USP47: variants seen among roughly 807,000 people sequenced by gnomAD.
The protein encoded by USP47 is ubiquitin carboxyl-terminal hydrolase 47.
A neutral mutation model predicts 165.1 loss-of-function variants in USP47; 35 were observed. The ratio of observed to expected loss-of-function variants is 0.21; its 90% CI spans 0.16 to 0.28. USP47 has a LOEUF of 0.28. USP47 is among the 10% of genes least tolerant of loss of function. The pLI is 1.00. For missense variants in USP47, 1,277 were observed against 1,607.4 expected (o/e 0.79, Z 3.52); for synonymous variants, 531 against 544.5 (o/e 0.98, Z 0.35).
intron 3 of USP47, among the ~76,000 whole-genome samples, chr11:11,888,010 A>G: frequency 6.6e-6 from 1 of 152,200 alleles, no homozygotes; most frequent in East Asian, 1.9e-4. Flanking sequence ...GTTCTTTGAA[A>G]CTGATAAGAA....
intron 1 of USP47, among the ~76,000 whole-genome samples, chr11:11,879,713 A>AT (rs1850706367): frequency 6.6e-6 from 1 of 151,958 alleles, no homozygotes; most frequent in African/African-American, 2.4e-5. Flanking sequence ...TTAGTTATAG[A>AT]TTTTTTAATC....
chr11:11,918,052 T>C (rs1853558313), intron 8 of USP47, among the ~76,000 whole-genome samples: 1 of 152,108 alleles, frequency 6.6e-6, no homozygotes, highest in Non-Finnish European at 1.5e-5. Context: ...AATAACTATA[T>C]GGTAGAGAGA....
chr11:11,874,247 A>G (rs1564858969), intron 1 of USP47, among the ~76,000 whole-genome samples: 1 of 152,206 alleles, frequency 6.6e-6, no homozygotes, highest in Non-Finnish European at 1.5e-5. Context: ...TGTGTGCACT[A>G]CAGACTTAAA....
At chr11:11,920,092 A>T in intron 8 of USP47, 64 bp from the exon 9 acceptor site, 1 of 1,232,894 alleles carries the variant, frequency 8.1e-7, no homozygotes, top group Non-Finnish European at 1.1e-6. Flanking sequence ...AGTCTTTTTT[A>T]TTCAGGATTT....
chr11:11,871,657 A>G lies in USP47; in HGVS notation c.40-8520A>G, dbSNP rs758886572. On this transcript the variant is annotated intron_variant, in intron 1 of 27. Coordinates refer to ENST00000527733, the MANE Select transcript of USP47 (RefSeq NM_001282659.2). ...TGATGAGAAATCAGCCAAACACTCT[A>G]GGGGGATGCACTGTAGGTCCCTTGG... Among the ~76,000 whole-genome samples the G allele has an allele frequency of 6.6e-5, 10 of 151,778 alleles. 1 individual carries two copies. The highest frequency in any genetic ancestry group is 1.2e-4 in the African/African-American group (5 of 41,302).
chr11:11,930,354 G>A (rs1410411728), intron 13 of USP47, among the ~76,000 whole-genome samples: 4 of 152,118 alleles, frequency 2.6e-5, no homozygotes, highest in African/African-American at 9.7e-5. Flanking sequence ...TTGCAGCACA[G>A]ACCATATGGC....
chr11:11,959,778 C>T lies in USP47; in HGVS notation c.*3603C>T, dbSNP rs763664379. On this transcript the variant is annotated 3_prime_UTR_variant, in exon 28 of 28. Transcript: ENST00000527733. ...ACAGCACTGCCCCTTTCCACCTCCT[C>T]ACCAGCTCACCTGTACAAGAGAATT... 6.6e-6 allele frequency among the ~76,000 whole-genome samples: 1 copy of T among 152,160 alleles called. No individual in the cohort carries two copies. The highest frequency in any genetic ancestry group is 1.5e-5 in the Non-Finnish European group (1 of 68,026).
In USP47 at chr11:11,922,715, C is replaced by T. The variant is rs1403704757; in HGVS notation, c.1219-9C>T. The stretch of plus-strand genomic sequence containing the variant: ...TGGTTTATAACTAAGATAATTATGT[C>T]TTATTAAGAAATCTCCTCAGACTGA... On this transcript the variant is annotated splice_polypyrimidine_tract_variant and intron_variant, in intron 10 of 27. Coordinates refer to ENST00000527733, the MANE Select transcript of USP47 (RefSeq NM_001282659.2). 6.2e-7 allele frequency: 1 copy of T among 1,604,378 alleles called. No individual in the cohort carries two copies. Among genetic ancestry groups the T allele is most frequent in the Non-Finnish European group, 8.5e-7 (1 of 1,174,440 alleles).
At chr11:11,879,807 A>G (rs1180255046) in intron 1 of USP47, among the ~76,000 whole-genome samples, 3 of 152,080 alleles carry the variant, frequency 2.0e-5, no homozygotes, top group Admixed American at 6.6e-5. Context: ...TGTGGCTAGC[A>G]TGGTAATGAC....
At chr11:11,955,919 G>A in intron 27 of USP47, 82 bp from the exon 28 acceptor site, 1 of 1,092,202 alleles carries the variant, frequency 9.2e-7, no homozygotes, top group Admixed American at 2.7e-5. Flanking sequence ...ATCTTGCTGA[G>A]GAGCATCATA....
At chr11:11,857,088 T>C (rs1782621241) in intron 1 of USP47, among the ~76,000 whole-genome samples, 2 of 152,042 alleles carry the variant, frequency 1.3e-5, no homozygotes, top group South Asian at 2.1e-4. Context: ...AAATAAAATA[T>C]TTAATAAAGA....
intron 4 of USP47, among the ~76,000 whole-genome samples, chr11:11,893,546 C>G (rs1407314973): frequency 1.3e-5 from 2 of 152,170 alleles, no homozygotes; most frequent in Non-Finnish European, 2.9e-5. Flanking sequence ...AAGCGATCCT[C>G]CCACCCCAGC....
intron 1 of USP47, among the ~76,000 whole-genome samples, chr11:11,858,724 T>G (rs1410134496): frequency 6.6e-6 from 1 of 152,242 alleles, no homozygotes; most frequent in Admixed American, 6.5e-5. Flanking sequence ...TTGAGATTCA[T>G]TTATGTTGTT....
Position 11,922,813 on chromosome 11 carries a change from T to C in USP47, c.1308T>C (p.Asn436=). 1 of 1,611,758 alleles carries C rather than the reference T, an allele frequency of 6.2e-7. No homozygotes were observed. The highest frequency in any genetic ancestry group is 8.5e-7 in the Non-Finnish European group (1 of 1,178,516). The change falls in exon 11 of 28, where the codon AAT becomes AAC. Residue 436 remains asparagine (N), a synonymous_variant. Coordinates refer to ENST00000527733, the MANE Select transcript of USP47 (RefSeq NM_001282659.2). The part of the protein sequence containing the change: ...HSDQMSNDFS[N]DDGVDEGICL... ...ATCAGATGAGCAACGATTTCTCCAA[T>C]GATGATGGTGTTGATGAAGGAATCT...
chr11:11,946,791 A>C (rs1410519435), intron 20 of USP47, among the ~76,000 whole-genome samples: 1 of 152,194 alleles, frequency 6.6e-6, no homozygotes, highest in Non-Finnish European at 1.5e-5. Flanking sequence ...CTCAAAAGGT[A>C]GATAGTAAAT....
chr11:11,920,041 C>G, intron 8 of USP47, 115 bp from the exon 9 acceptor site: 2 of 720,342 alleles, frequency 2.8e-6, no homozygotes, highest in Non-Finnish European at 4.0e-6. Context: ...TTTTGAGTTC[C>G]TAAATTTCTA....
At chr11:11,857,871 A>C (rs926945620) in intron 1 of USP47, among the ~76,000 whole-genome samples, 2 of 152,170 alleles carry the variant, frequency 1.3e-5, no homozygotes, top group Non-Finnish European at 2.9e-5. Flanking sequence ...TTACGGGCCA[A>C]ATCTTCATTT....
chr11:11,898,199 A>G (rs1418586638), intron 5 of USP47, among the ~76,000 whole-genome samples: 2 of 152,006 alleles, frequency 1.3e-5, no homozygotes, highest in Non-Finnish European at 2.9e-5. Flanking sequence ...AAAATGCTCT[A>G]TGGAGGAAGT....
At position 11,892,841 on chromosome 11, in the gene USP47, G is replaced by GA. The variant is rs1234499388; in HGVS notation, c.496+745dup. ...AGTAAAAAAAAAAAAAAAAGAAAAAGAAAAAAAAAATTCAAGACTTCTTTT... is the reference window on the plus strand; with the variant it reads ...AGTAAAAAAAAAAAAAAAAGAAAAAGAAAAAAAAAAATTCAAGACTTCTTTT... On this transcript the variant is annotated intron_variant, in intron 4 of 27. Coordinates refer to ENST00000527733, the MANE Select transcript of USP47 (RefSeq NM_001282659.2). Among the ~76,000 whole-genome samples the GA allele has an allele frequency of 1.4e-4, 18 of 128,292 alleles. 1 individual carries two copies. The highest frequency in any genetic ancestry group is 4.7e-4 in the African/African-American group (16 of 33,888). 84.2% of individuals were successfully genotyped at this position (128,292 alleles called of 152,430 possible). A position where few individuals can be genotyped will look rare whatever the true frequency, so the allele number is the denominator to read the frequency against.
Sources: gnomAD v4.1 joint callset for allele counts (sites outside exome capture counted in the v4.1 genomes callset) on GRCh38, gnomAD v4.1.1 for gene constraint, MANE v1.5 for transcripts, NCBI Gene and HGNC (gene_info 2026-07-23, HGNC 2026-07-21) for gene names.